Variants in SCEL observed in about 807,000 individuals in gnomAD.
The protein encoded by SCEL is sciellin.
A neutral mutation model predicts 117.6 loss-of-function variants in SCEL; 113 were observed. That is an observed-to-expected ratio of 0.96 (90% CI 0.83 to 1.12). SCEL has a LOEUF of 1.12. Ranked by LOEUF, SCEL falls within the 50% of genes most tolerant of loss-of-function variation. The pLI, the probability that SCEL is intolerant of heterozygous loss-of-function variation, is 0.00. For missense variants in SCEL, 785 were observed against 810.8 expected (o/e 0.97, Z 0.39); for synonymous variants, 270 against 256.2 (o/e 1.05, Z -0.51).
Position 77,602,104 on chromosome 13 carries a change from G to A in SCEL, c.957G>A (p.Arg319=). ...SLGSPIKVNQ[R]TDKNEKGRQN... ...GAAGTCCGATTAAAGTTAATCAAAGGACTGACAAAAATGAGAAAGGGTAAG... is the reference window on the plus strand; with the variant it reads ...GAAGTCCGATTAAAGTTAATCAAAGAACTGACAAAAATGAGAAAGGGTAAG... Residue 319 remains arginine, a synonymous_variant, in exon 16 of 33, where the codon AGG becomes AGA. Transcript: ENST00000349847. The A allele has an allele frequency of 1.2e-6, 2 of 1,611,104 alleles. No individual in the cohort carries two copies. The highest frequency in any genetic ancestry group is 1.7e-6 in the Non-Finnish European group (2 of 1,178,838).
intron 28 of SCEL, 23 bp from the exon 29 acceptor site, chr13:77,634,355 GA>G (rs759972539): frequency 5.0e-6 from 8 of 1,591,224 alleles, no homozygotes; most frequent in Non-Finnish European, 6.0e-6. Context: ...CTTTAATCAT[GA>G]AGTAAAATGA....
intron 1 of SCEL, among the ~76,000 whole-genome samples, chr13:77,554,807 C>T (rs982611823): frequency 6.6e-6 from 1 of 152,034 alleles, no homozygotes; most frequent in African/African-American, 2.4e-5. Flanking sequence ...GCTTGAATGC[C>T]CCTCCTATGG....
At chr13:77,589,802 C>T (rs188467847) in intron 10 of SCEL, among the ~76,000 whole-genome samples, 5 of 152,200 alleles carry the variant, frequency 3.3e-5, no homozygotes, top group African/African-American at 1.2e-4. Context: ...TGACTTGTCT[C>T]TGAATCAGGA....
chr13:77,591,437 C>T lies in SCEL; in HGVS notation c.669C>T (p.Asn223=), dbSNP rs751530991. Residue 223 remains asparagine, a synonymous_variant, in exon 11 of 33, where the codon AAC becomes AAT. Coordinates refer to ENST00000349847, the MANE Select transcript of SCEL (RefSeq NM_144777.3). The part of the protein sequence containing the change: ...PPKPGVYTET[N]RSAERNIRSQ... ...AACCAGGTGTATATACAGAAACCAA[C>T]AGATCTGCTGAAAGAAATATAAGGT... 6.3e-7 allele frequency: 1 copy of T among 1,582,462 alleles called. No homozygotes were observed. The highest frequency in any genetic ancestry group is 8.7e-7 in the Non-Finnish European group (1 of 1,152,806).
chr13:77,588,049 A>G (rs1367590153), intron 9 of SCEL, among the ~76,000 whole-genome samples: 2 of 152,040 alleles, frequency 1.3e-5, no homozygotes, highest in Non-Finnish European at 2.9e-5. Flanking sequence ...CCATCAGTCT[A>G]TATCTCCTTA....
chr13:77,573,283 T>A (rs959954271), intron 9 of SCEL, among the ~76,000 whole-genome samples: 5 of 152,210 alleles, frequency 3.3e-5, no homozygotes, highest in Non-Finnish European at 5.9e-5. Context: ...CATCACTAAC[T>A]CAGAAACAAA....
intron 15 of SCEL, among the ~76,000 whole-genome samples, chr13:77,600,341 C>A (rs1482485467): frequency 2.0e-5 from 3 of 151,898 alleles, no homozygotes; most frequent in Non-Finnish European, 4.4e-5. Context: ...GTTGGCCAGG[C>A]TGGTCTTGAA....
chr13:77,640,844 T>C, intron 31 of SCEL, 60 bp downstream of exon 31: 1 of 865,078 alleles, frequency 1.2e-6, no homozygotes, highest in Admixed American at 2.5e-5. Context: ...TGGAATAAAA[T>C]AATAATTTAA....
intron 9 of SCEL, among the ~76,000 whole-genome samples, chr13:77,583,781 A>C (rs548771753): frequency 3.9e-5 from 6 of 152,348 alleles, no homozygotes; most frequent in African/African-American, 1.4e-4. Context: ...TTTGTGCTGC[A>C]GTAATAGACA....
intron 19 of SCEL, among the ~76,000 whole-genome samples, chr13:77,605,517 A>G (rs548015628): frequency 6.6e-6 from 1 of 152,272 alleles, no homozygotes; most frequent in East Asian, 1.9e-4. Context: ...CTTGCTGACT[A>G]TCTCCCTGTG....
chr13:77,550,742 C>T (rs777183211), intron 1 of SCEL, among the ~76,000 whole-genome samples: 2 of 152,142 alleles, frequency 1.3e-5, no homozygotes, highest in Admixed American at 1.3e-4. Flanking sequence ...ACAGAGATGC[C>T]ATGCTGTGTA....
chr13:77,576,953 A>G (rs2085977524), intron 9 of SCEL, among the ~76,000 whole-genome samples: 2 of 152,118 alleles, frequency 1.3e-5, no homozygotes, highest in African/African-American at 4.8e-5. Flanking sequence ...TTGCTGGTGT[A>G]TAGGAATGCT....
chr13:77,591,295 C>T (rs777861448), intron 10 of SCEL, 100 bp from the exon 11 acceptor site: 17 of 777,284 alleles, frequency 2.2e-5, no homozygotes, highest in Non-Finnish European at 3.7e-5. Context: ...TTCCAACAAA[C>T]ACTGATCTTT....
intron 9 of SCEL, among the ~76,000 whole-genome samples, chr13:77,573,150 T>G (rs2085738277): frequency 6.6e-6 from 1 of 152,246 alleles, no homozygotes; most frequent in Non-Finnish European, 1.5e-5. Context: ...CAATTCAATG[T>G]AATAAATATT....
At chr13:77,562,765 A>G (rs1178714212) in intron 4 of SCEL, among the ~76,000 whole-genome samples, 2 of 152,240 alleles carry the variant, frequency 1.3e-5, no homozygotes, top group South Asian at 2.1e-4. Context: ...CACTACTAAT[A>G]TAGCAAATAT....
intron 29 of SCEL, among the ~76,000 whole-genome samples, chr13:77,635,451 A>G (rs1296115330): frequency 2.0e-5 from 3 of 152,214 alleles, no homozygotes; most frequent in Non-Finnish European, 4.4e-5. Context: ...GAACAATAAC[A>G]TAGGCTTTTT....
At chr13:77,547,189 G>GC (rs1227748448) in intron 1 of SCEL, among the ~76,000 whole-genome samples, 1 of 152,018 alleles carries the variant, frequency 6.6e-6, no homozygotes, top group Admixed American at 6.6e-5. Flanking sequence ...ACCACACCCA[G>GC]CCCCCCAAAA....
rs1365493554 is a variant in SCEL at position 77,631,822 on chromosome 13, T to C, written c.1692-2557T>C. On this transcript the variant is annotated intron_variant, in intron 28 of 32. Coordinates refer to ENST00000349847, the MANE Select transcript of SCEL (RefSeq NM_144777.3). ...ACACAACTGGGAAAAGATACCAGTA[T>C]TAGTCAGCATGGGCTGCCATAACAA... Among the ~76,000 whole-genome samples the C allele has an allele frequency of 2.0e-5, 3 of 152,354 alleles. No homozygotes were observed. The East Asian group carries it at 5.8e-4, about 29-fold the overall frequency.
At chr13:77,628,568 A>G (rs1427078642) in intron 28 of SCEL, among the ~76,000 whole-genome samples, 3 of 152,082 alleles carry the variant, frequency 2.0e-5, no homozygotes, top group African/African-American at 7.2e-5. Context: ...GCTATACTTC[A>G]TTTTTGTCAC....
Sources: gnomAD v4.1 joint callset for allele counts (sites outside exome capture counted in the v4.1 genomes callset) on GRCh38, gnomAD v4.1.1 for gene constraint, MANE v1.5 for transcripts, NCBI Gene and HGNC (gene_info 2026-07-23, HGNC 2026-07-21) for gene names.